AMBRA1: variants seen among roughly 807,000 people sequenced by gnomAD.
AMBRA1 encodes the protein autophagy and beclin 1 regulator 1.
In AMBRA1, 47 loss-of-function variants were observed where a neutral mutation model predicts 125.4. The observed-to-expected ratio is 0.37, with a 90% CI of 0.30 to 0.48. The LOEUF is 0.48. AMBRA1 is among the 20% of genes least tolerant of loss of function. AMBRA1 has a pLI of 0.99. For synonymous variants in AMBRA1, 626 were observed against 655.5 expected (o/e 0.95, Z 0.69); for missense variants, 1,331 against 1,693.4 (o/e 0.79, Z 3.76).
Position 46,593,984 on chromosome 11 carries a change from A to C in AMBRA1, c.-277T>G, listed in dbSNP as rs1045706247. On this transcript the variant is annotated 5_prime_UTR_variant, in exon 1 of 18. Transcript: ENST00000683756. ...GGCCTCGCGGACAACTCAGCCCTCGACCCGGCGCCGCCGCCGCTCAGGAGA... is the reference window on the plus strand; with the variant it reads ...GGCCTCGCGGACAACTCAGCCCTCGCCCCGGCGCCGCCGCCGCTCAGGAGA... 7.5e-6 allele frequency: 3 copies of C among 398,490 alleles called. No homozygotes were observed. Among genetic ancestry groups the C allele is most frequent in the Non-Finnish European group, 1.3e-5 (3 of 226,096 alleles). The allele number at this position is 398,490 out of a possible 1,614,324, so 24.7% of individuals were successfully genotyped here.
intron 9 of AMBRA1, among the ~76,000 whole-genome samples, chr11:46,503,614 G>C (rs941801518): frequency 6.6e-6 from 1 of 152,034 alleles, no homozygotes; most frequent in African/African-American, 2.4e-5. Flanking sequence ...CCTGCAAAGC[G>C]CAAAAAAAGC....
chr11:46,431,730 A>G (rs1257301626), intron 14 of AMBRA1, among the ~76,000 whole-genome samples: 1 of 152,258 alleles, frequency 6.6e-6, no homozygotes, highest in African/African-American at 2.4e-5. Flanking sequence ...TGAAAAGCAG[A>G]GACCAGCTTC....
chr11:46,497,405 GTCC>G (rs1362092495), intron 9 of AMBRA1, among the ~76,000 whole-genome samples: 1 of 152,166 alleles, frequency 6.6e-6, no homozygotes, highest in African/African-American at 2.4e-5. Flanking sequence ...GCTCATGCTG[GTCC>G]TCAGTTTATT....
At chr11:46,529,290 T>G (rs1952113734) in intron 7 of AMBRA1, among the ~76,000 whole-genome samples, 1 of 152,232 alleles carries the variant, frequency 6.6e-6, no homozygotes, top group Admixed American at 6.5e-5. Context: ...CAAATAAGCT[T>G]GGAACCTCCA....
At chr11:46,550,862 G>A (rs1028746623) in intron 1 of AMBRA1, among the ~76,000 whole-genome samples, 1 of 151,258 alleles carries the variant, frequency 6.6e-6, no homozygotes, top group African/African-American at 2.4e-5. Flanking sequence ...CGAGACGGGC[G>A]GATCGCGAGG....
chr11:46,512,447 C>T (rs1951296698), intron 8 of AMBRA1, among the ~76,000 whole-genome samples: 1 of 152,166 alleles, frequency 6.6e-6, no homozygotes, highest in Non-Finnish European at 1.5e-5. Flanking sequence ...AAAAGAGTAT[C>T]CTATGACTAC....
At chr11:46,457,937 C>T (rs1313260958) in intron 11 of AMBRA1, among the ~76,000 whole-genome samples, 1 of 150,896 alleles carries the variant, frequency 6.6e-6, no homozygotes, top group Non-Finnish European at 1.5e-5. Flanking sequence ...TTCCACCCTA[C>T]TGGCCCAGCC....
chr11:46,465,603 C>A (rs1421409898), intron 11 of AMBRA1, among the ~76,000 whole-genome samples: 1 of 152,156 alleles, frequency 6.6e-6, no homozygotes, highest in Non-Finnish European at 1.5e-5. Context: ...AGGGAACATG[C>A]AAAGCCAGGT....
intron 14 of AMBRA1, among the ~76,000 whole-genome samples, chr11:46,431,340 T>G (rs1215118501): frequency 6.6e-6 from 1 of 152,246 alleles, no homozygotes; most frequent in Non-Finnish European, 1.5e-5. Context: ...AGCATGCAGC[T>G]GCTGGCTAGC....
At chr11:46,502,478 G>A (rs1950879134) in intron 9 of AMBRA1, among the ~76,000 whole-genome samples, 1 of 152,160 alleles carries the variant, frequency 6.6e-6, no homozygotes, top group South Asian at 2.1e-4. Flanking sequence ...CCTCTCTGAC[G>A]ATTTTACTTG....
At chr11:46,511,809 T>C (rs955200838) in intron 8 of AMBRA1, among the ~76,000 whole-genome samples, 4 of 152,226 alleles carry the variant, frequency 2.6e-5, no homozygotes, top group East Asian at 3.8e-4. Flanking sequence ...CTTGAACTCA[T>C]TGAAATAACT....
intron 11 of AMBRA1, among the ~76,000 whole-genome samples, chr11:46,463,180 C>G (rs1026960949): frequency 6.6e-6 from 1 of 152,196 alleles, no homozygotes; most frequent in Non-Finnish European, 1.5e-5. Flanking sequence ...ATTTCCTGCC[C>G]TCTGCAGGAT....
rs1952809439 is a variant in AMBRA1 at position 46,542,783 on chromosome 11, G to A, written c.1234C>T (p.Pro412Ser). 2 of 1,613,986 alleles carry A rather than the reference G, an allele frequency of 1.2e-6. No homozygotes were observed. Among genetic ancestry groups the A allele is most frequent in the Non-Finnish European group, 1.7e-6 (2 of 1,180,020 alleles). Reference protein sequence around the residue: ...HPSRYHREIAPGLTGSEWTRT... With the variant: ...HPSRYHREIASGLTGSEWTRT... Reference sequence around the variant, plus strand: ...GTCCACTCAGATCCTGTCAACCCAGGAGCTATTTCTCGGTGATACCTAGAA... The same window carrying A: ...GTCCACTCAGATCCTGTCAACCCAGAAGCTATTTCTCGGTGATACCTAGAA... The change falls in exon 7 of 18, where the codon CCT becomes TCT. Residue 412 changes from proline (P) to serine (S), a missense_variant. Physicochemically the swap from Pro to Ser is moderately conservative, Grantham distance 74. Around this residue, in one of 4 missense-constraint regions of AMBRA1, gnomAD observed 689 missense variants for 776.5 expected, o/e 0.89. Coordinates refer to ENST00000683756, the MANE Select transcript of AMBRA1 (RefSeq NM_001387011.1). This position sits in a 1 kb window ranked among gnomAD's most constrained non-coding sequence, Gnocchi z 5.9.
intron 1 of AMBRA1, among the ~76,000 whole-genome samples, chr11:46,555,038 C>G (rs1177724775): frequency 1.3e-5 from 2 of 152,108 alleles, no homozygotes; most frequent in Non-Finnish European, 2.9e-5. Context: ...CACCGCTGCA[C>G]TCTTCAGCCC....
intron 11 of AMBRA1, among the ~76,000 whole-genome samples, chr11:46,471,862 A>G (rs1949610349): frequency 6.6e-6 from 1 of 151,902 alleles, no homozygotes; most frequent in Non-Finnish European, 1.5e-5. Context: ...TCCTGTCCTC[A>G]TGATCCACCC....
intron 7 of AMBRA1, among the ~76,000 whole-genome samples, chr11:46,527,498 A>AAAAAAAAAAAAAG: frequency 6.7e-6 from 1 of 149,728 alleles, no homozygotes; most frequent in Admixed American, 6.7e-5. Flanking sequence ...AAAAAAAAAA[A>AAAAAAAAAAAAAG]AAAAAAGGCA....
chr11:46,407,887 A>C (rs1403328648), intron 17 of AMBRA1, among the ~76,000 whole-genome samples: 1 of 152,222 alleles, frequency 6.6e-6, no homozygotes, highest in African/African-American at 2.4e-5. Context: ...GAGTGAGAAC[A>C]GCCTGTTTAA....
At chr11:46,555,909 T>G (rs930687597) in intron 1 of AMBRA1, among the ~76,000 whole-genome samples, 4 of 152,246 alleles carry the variant, frequency 2.6e-5, no homozygotes, top group Non-Finnish European at 4.4e-5. Flanking sequence ...AGTAACTGCA[T>G]CTCTCTTCCA....
intron 11 of AMBRA1, among the ~76,000 whole-genome samples, chr11:46,474,560 G>T (rs116134193): frequency 1.3e-5 from 2 of 152,082 alleles, no homozygotes; most frequent in African/African-American, 4.8e-5. Context: ...GGCTGACTTC[G>T]TATTTTTAGT....
Sources: gnomAD v4.1 joint callset for allele counts (sites outside exome capture counted in the v4.1 genomes callset) on GRCh38, gnomAD v4.1.1 for gene constraint, gnomAD v4.1.1 regional missense constraint, Gnocchi (gnomAD v3.1) non-coding constraint, MANE v1.5 for transcripts, NCBI Gene and HGNC (gene_info 2026-07-23, HGNC 2026-07-21) for gene names.